The following UNC5C variants were observed in gnomAD, a reference collection of about 807,000 sequenced individuals.
UNC5C encodes unc-5 netrin receptor C.
A neutral mutation model predicts 99.8 loss-of-function variants in UNC5C; 47 were observed. The ratio of observed to expected loss-of-function variants is 0.47; its 90% CI spans 0.37 to 0.60. The LOEUF is 0.60. Among genes scored for constraint, UNC5C ranks in the 20% least tolerant of loss-of-function variants. UNC5C has a pLI of 0.00. For missense variants in UNC5C, 1,062 were observed against 1,165.9 expected (o/e 0.91, Z 1.30); for synonymous variants, 487 against 452.2 (o/e 1.08, Z -0.98).
chr4:95,243,452 CAAAAATAGG>C (rs1004859292), intron 6 of UNC5C, among the ~76,000 whole-genome samples: 5 of 152,012 alleles, frequency 3.3e-5, no homozygotes, highest in African/African-American at 9.7e-5. Context: ...AAGCTTCTCA[CAAAAATAGG>C]ATAAAAATAT....
At chr4:95,309,662 A>C (rs955319942) in intron 2 of UNC5C, among the ~76,000 whole-genome samples, 7 of 152,214 alleles carry the variant, frequency 4.6e-5, no homozygotes, top group African/African-American at 1.7e-4. Context: ...ACAAATGGCC[A>C]AGGGTATATT....
chr4:95,203,674 G>C (rs1420044837), intron 11 of UNC5C, among the ~76,000 whole-genome samples: 2 of 152,062 alleles, frequency 1.3e-5, no homozygotes, highest in Non-Finnish European at 2.9e-5. Context: ...TATGTTGCCA[G>C]GCTGGCCTCA....
At chr4:95,260,565 G>T (rs980399943) in intron 4 of UNC5C, among the ~76,000 whole-genome samples, 6 of 152,158 alleles carry the variant, frequency 3.9e-5, no homozygotes, top group African/African-American at 1.4e-4. Flanking sequence ...AAAGGATTCT[G>T]GGGCAGATGG....
chr4:95,434,004 G>A (rs936629188), intron 1 of UNC5C, among the ~76,000 whole-genome samples: 1 of 151,992 alleles, frequency 6.6e-6, no homozygotes, highest in African/African-American at 2.4e-5. Context: ...TTCCCTGCCT[G>A]CCCATATAGA....
At chr4:95,219,407 T>A in intron 8 of UNC5C, 94 bp from the exon 9 acceptor site, 1 of 1,223,798 alleles carries the variant, frequency 8.2e-7, no homozygotes, top group Non-Finnish European at 1.2e-6. Flanking sequence ...GAGCCGAAAG[T>A]AAAGCAGCTC....
chr4:95,232,615 C>T (rs1380528066), intron 7 of UNC5C, among the ~76,000 whole-genome samples: 3 of 152,128 alleles, frequency 2.0e-5, no homozygotes, highest in African/African-American at 7.2e-5. Context: ...TCCCTTTCCA[C>T]CTAGAATCTA....
chr4:95,186,257 T>C (rs567435327), intron 12 of UNC5C, among the ~76,000 whole-genome samples: 21 of 152,080 alleles, frequency 1.4e-4, no homozygotes, highest in Non-Finnish European at 3.1e-4. Context: ...AAAAGCAAAA[T>C]ATAATTTTTT....
chr4:95,352,464 T>C (rs1744025047), intron 1 of UNC5C, among the ~76,000 whole-genome samples: 1 of 152,184 alleles, frequency 6.6e-6, no homozygotes, highest in Admixed American at 6.5e-5. Flanking sequence ...TCTATCTGAT[T>C]ATTTCTTACT....
At chr4:95,182,055 T>C (rs2149350064) in intron 14 of UNC5C, among the ~76,000 whole-genome samples, 1 of 152,344 alleles carries the variant, frequency 6.6e-6, no homozygotes, top group South Asian at 2.1e-4. Flanking sequence ...CCTTTTGGCT[T>C]CTTCTCTTCC....
chr4:95,514,862 C>G (rs775238797), intron 1 of UNC5C, among the ~76,000 whole-genome samples: 11 of 151,050 alleles, frequency 7.3e-5, no homozygotes, highest in Non-Finnish European at 1.5e-4. Context: ...TTGGTAGAGA[C>G]GGGGTTTCAC....
intron 7 of UNC5C, among the ~76,000 whole-genome samples, chr4:95,226,346 G>A (rs758135101): frequency 1.3e-5 from 2 of 152,128 alleles, no homozygotes; most frequent in African/African-American, 2.4e-5. Flanking sequence ...TCTGTGTAAG[G>A]GGATATGAAT....
chr4:95,399,471 A>G (rs1404426515), intron 1 of UNC5C, among the ~76,000 whole-genome samples: 1 of 152,204 alleles, frequency 6.6e-6, no homozygotes. Context: ...AAACTCTTCA[A>G]TGGATTCCCA....
chr4:95,250,437 G>C, intron 5 of UNC5C, 50 bp downstream of exon 5: 6 of 1,561,980 alleles, frequency 3.8e-6, no homozygotes, highest in Non-Finnish European at 5.2e-6. Flanking sequence ...ATGCCAACGA[G>C]AAACTGCAGT....
chr4:95,342,352 C>T (rs955347811), intron 1 of UNC5C, among the ~76,000 whole-genome samples: 1 of 151,972 alleles, frequency 6.6e-6, no homozygotes, highest in African/African-American at 2.4e-5. Flanking sequence ...ACTGGGCAGT[C>T]CTGAGGCCCA....
At position 95,492,842 on chromosome 4, in the gene UNC5C, T is replaced by C. The variant is rs185908947; in HGVS notation, c.124+55892A>G. On this transcript the variant is annotated intron_variant, in intron 1 of 15. Coordinates refer to ENST00000453304, the MANE Select transcript of UNC5C (RefSeq NM_003728.4). Reference sequence around the variant, plus strand: ...AATTGTGATTTTTTGCTTTATTTGATGTCATTTTCACCTAGGTATTAATCA... The same window carrying C: ...AATTGTGATTTTTTGCTTTATTTGACGTCATTTTCACCTAGGTATTAATCA... 1.2e-3 allele frequency among the ~76,000 whole-genome samples: 182 copies of C among 151,660 alleles called. 2 individuals are homozygous for C. Among genetic ancestry groups the C allele is most frequent in the Admixed American group, 0.01 (153 of 15,160 alleles).
chr4:95,187,643 A>G (rs1736888075), intron 12 of UNC5C, among the ~76,000 whole-genome samples: 1 of 152,204 alleles, frequency 6.6e-6, no homozygotes, highest in Non-Finnish European at 1.5e-5. Context: ...TTGTTTCTTC[A>G]GCAATGATTT....
chr4:95,206,715 G>A lies in UNC5C; in HGVS notation c.1815C>T (p.Val605=), dbSNP rs373461496. ...GPPGALLTRP[V]VLTMHHCADP... is the part of the protein sequence containing the mutation. ...CTGCGCAGTGATGCATAGTGAGGAC[G>A]ACTGGGCGGGTGAGCAGAGCTCCTG... The change falls in exon 11 of 16, where the codon GTC becomes GTT. Residue 605 remains valine (V), a synonymous_variant. Coordinates refer to ENST00000453304, the MANE Select transcript of UNC5C (RefSeq NM_003728.4). 16 of 1,613,924 alleles carry A rather than the reference G, an allele frequency of 9.9e-6. No homozygotes were observed. In the African/African-American group the frequency reaches 1.2e-4, roughly 12 times the overall value.
intron 2 of UNC5C, among the ~76,000 whole-genome samples, chr4:95,331,292 A>G (rs909185339): frequency 6.6e-6 from 1 of 152,094 alleles, no homozygotes; most frequent in African/African-American, 2.4e-5. Context: ...GAGTGCAGGT[A>G]TCTTTTTGAT....
chr4:95,260,433 T>C (rs73837517), intron 4 of UNC5C, among the ~76,000 whole-genome samples: 6,893 of 152,264 alleles, frequency 0.045, 178 homozygotes, highest in South Asian at 0.11. Context: ...TTTAGCCTTC[T>C]GAGCTTTCTG....
Sources: allele counts gnomAD v4.1 joint callset (sites outside exome capture counted in the v4.1 genomes callset), GRCh38; gene constraint gnomAD v4.1.1; transcripts MANE v1.5; gene names NCBI Gene and HGNC (gene_info 2026-07-23, HGNC 2026-07-21).